Variants in EDNRA observed in about 807,000 individuals in gnomAD.
EDNRA encodes the protein endothelin-1 receptor.
In EDNRA, 11 loss-of-function variants were observed where a neutral mutation model predicts 41.4. The ratio of observed to expected loss-of-function variants is 0.27; its 90% CI spans 0.17 to 0.44. The LOEUF (loss-of-function observed/expected upper bound fraction) is 0.44. Ranked by LOEUF, EDNRA falls within the 20% of genes least tolerant of loss-of-function variation. The pLI is 1.00. For missense variants in EDNRA, 294 were observed against 531.0 expected (o/e 0.55, Z 4.39); for synonymous variants, 172 against 183.0 (o/e 0.94, Z 0.49).
intron 5 of EDNRA, among the ~76,000 whole-genome samples, chr4:147,537,736 A>G (rs1730964638): frequency 6.6e-6 from 1 of 152,136 alleles, no homozygotes; most frequent in Non-Finnish European, 1.5e-5. Flanking sequence ...AGTAGGATAT[A>G]TATTCTTTAT....
At chr4:147,514,693 C>A (rs1159513609) in intron 2 of EDNRA, among the ~76,000 whole-genome samples, 1 of 152,088 alleles carries the variant, frequency 6.6e-6, no homozygotes, top group African/African-American at 2.4e-5. Context: ...AGGCTGGTCT[C>A]GAACTCCTGG....
intron 1 of EDNRA, among the ~76,000 whole-genome samples, chr4:147,485,396 T>C (rs1236103220): frequency 6.6e-6 from 1 of 152,040 alleles, no homozygotes; most frequent in Non-Finnish European, 1.5e-5. Context: ...ATGATGGAGA[T>C]GGAGATGGAG....
chr4:147,497,211 G>A (rs1283014329), intron 2 of EDNRA, among the ~76,000 whole-genome samples: 2 of 130,780 alleles, frequency 1.5e-5, no homozygotes, highest in African/African-American at 5.8e-5. Context: ...TGCCCAGGCT[G>A]GTTTCAAACT....
intron 1 of EDNRA, among the ~76,000 whole-genome samples, chr4:147,482,355 TTAA>T (rs769935127): frequency 2.2e-4 from 34 of 152,328 alleles, no homozygotes; most frequent in Non-Finnish European, 4.7e-4. Context: ...GTCCTCTTTC[TTAA>T]TAATAGTTTT....
At chr4:147,481,399 G>C (rs528163553) in intron 1 of EDNRA, 23 bp downstream of exon 1, 1 of 152,546 alleles carries the variant, frequency 6.6e-6, no homozygotes, top group Admixed American at 6.5e-5. Flanking sequence ...CTTTCTTATC[G>C]GGGACTGGGA....
At chr4:147,535,800 A>C (rs555880687) in intron 4 of EDNRA, 77 bp from the exon 5 acceptor site, 1 of 1,560,182 alleles carries the variant, frequency 6.4e-7, no homozygotes, top group African/African-American at 1.4e-5. Flanking sequence ...AAGACCTTAA[A>C]GCTACCAGAG....
intron 2 of EDNRA, among the ~76,000 whole-genome samples, chr4:147,514,069 C>T (rs1407525574): frequency 6.6e-6 from 1 of 152,166 alleles, no homozygotes; most frequent in Non-Finnish European, 1.5e-5. Flanking sequence ...TTCAAAATAA[C>T]GTTTGTGTGT....
At chr4:147,528,573 G>T (rs761824919) in intron 3 of EDNRA, among the ~76,000 whole-genome samples, 6 of 151,922 alleles carry the variant, frequency 3.9e-5, no homozygotes, top group Non-Finnish European at 8.8e-5. Context: ...GGTGTCAAGC[G>T]ATCGCCCCCC....
At chr4:147,532,989 G>GTGTGT (rs1482361533) in intron 4 of EDNRA, among the ~76,000 whole-genome samples, 3 of 125,154 alleles carry the variant, frequency 2.4e-5, no homozygotes, top group Non-Finnish European at 4.7e-5. Flanking sequence ...GACTAGATGT[G>GTGTGT]TGTGTGTGTG....
intron 7 of EDNRA, 109 bp downstream of exon 7, chr4:147,540,594 T>C: frequency 2.9e-6 from 2 of 690,766 alleles, no homozygotes; most frequent in Non-Finnish European, 4.6e-6. Flanking sequence ...GCTATACTAC[T>C]TTTTAGCAGT....
rs1220682509 is a variant in EDNRA at position 147,486,413 on chromosome 4, C to T, written c.420+312C>T. ...TGGATAGGCTGTCTTGGCAAGATCC[C>T]TGGATTTTTATGAAATGCAATTTCC... is the stretch of plus-strand genomic sequence containing the variant. On this transcript the variant is annotated intron_variant, in intron 2 of 7. Coordinates refer to ENST00000651419, the MANE Select transcript of EDNRA (RefSeq NM_001957.4). The surrounding 1 kb of genome is among the most constrained non-coding windows in gnomAD (Gnocchi z 4.3). 6.6e-6 allele frequency among the ~76,000 whole-genome samples: 1 copy of T among 152,108 alleles called. No homozygotes were observed. Among genetic ancestry groups the T allele is most frequent in the Non-Finnish European group, 1.5e-5 (1 of 68,016 alleles).
intron 2 of EDNRA, among the ~76,000 whole-genome samples, chr4:147,505,504 G>A (rs1017402734): frequency 6.6e-6 from 1 of 151,340 alleles, no homozygotes; most frequent in Admixed American, 6.6e-5. Flanking sequence ...ACCATGCCCA[G>A]CTAATTTTTG....
At chr4:147,520,033 C>CA (rs1730263946) in intron 3 of EDNRA, 55 bp downstream of exon 3, 1 of 1,554,140 alleles carries the variant, frequency 6.4e-7, no homozygotes, top group African/African-American at 1.4e-5. Context: ...GCATTTTTCT[C>CA]AAAAAGAAGA....
intron 2 of EDNRA, chr4:147,492,190 G>A (rs1729159944): frequency 6.6e-6 from 1 of 152,156 alleles, no homozygotes; most frequent in Non-Finnish European, 1.5e-5. Flanking sequence ...ATACTCTATT[G>A]TATTTGCCAG....
At chr4:147,505,919 ATTACAGG>A (rs1729698821) in intron 2 of EDNRA, among the ~76,000 whole-genome samples, 1 of 152,098 alleles carries the variant, frequency 6.6e-6, no homozygotes, top group Non-Finnish European at 1.5e-5. Context: ...AAGTGCTAGG[ATTACAGG>A]CGTGAGTGAC....
intron 2 of EDNRA, among the ~76,000 whole-genome samples, chr4:147,513,274 A>T (rs926750461): frequency 6.6e-6 from 1 of 152,192 alleles, no homozygotes; most frequent in Non-Finnish European, 1.5e-5. Context: ...TGCATTTGTC[A>T]TACATCCTGA....
intron 1 of EDNRA, among the ~76,000 whole-genome samples, chr4:147,483,397 G>C (rs943523896): frequency 2.6e-5 from 4 of 152,164 alleles, no homozygotes; most frequent in African/African-American, 9.7e-5. Context: ...GTAAAATGGA[G>C]ATATTGCTCC....
chr4:147,493,443 G>A (rs1045905984), intron 2 of EDNRA: 1 of 151,962 alleles, frequency 6.6e-6, no homozygotes, highest in Non-Finnish European at 1.5e-5. Context: ...AATGAAGGGG[G>A]CTGAGGAATC....
At chr4:147,498,163 C>T (rs1729379834) in intron 2 of EDNRA, among the ~76,000 whole-genome samples, 1 of 152,148 alleles carries the variant, frequency 6.6e-6, no homozygotes, top group South Asian at 2.1e-4. Flanking sequence ...GTAAACACTC[C>T]CAGGAAGTCA....
Sources: gnomAD v4.1 joint callset for allele counts (sites outside exome capture counted in the v4.1 genomes callset) on GRCh38, gnomAD v4.1.1 for gene constraint, Gnocchi (gnomAD v3.1) non-coding constraint, MANE v1.5 for transcripts, NCBI Gene and HGNC (gene_info 2026-07-23, HGNC 2026-07-21) for gene names.